The following UBXN11 variants were observed in gnomAD, a reference collection of about 807,000 sequenced individuals.
UBXN11 encodes the protein UBX domain protein 11.
Under a neutral mutation model 62.8 loss-of-function variants are expected in UBXN11, and 47 were observed. The observed-to-expected ratio is 0.75, with a 90% confidence interval of 0.59 to 0.95. The LOEUF is 0.95. Ranked by LOEUF, UBXN11 falls within the 40% of genes least tolerant of loss-of-function variation. UBXN11 has a pLI of 0.00. For missense variants in UBXN11, 638 were observed against 661.7 expected (o/e 0.96, Z 0.39); for synonymous variants, 294 against 267.0 (o/e 1.10, Z -0.99).
chr1:26,312,706 A>G (rs926654992), intron 1 of UBXN11, among the ~76,000 whole-genome samples: 1 of 150,378 alleles, frequency 6.6e-6, no homozygotes, highest in Non-Finnish European at 1.5e-5. Context: ...GGCTGGACAC[A>G]GTGGCTCACG....
In UBXN11 at chr1:26,290,440, A is replaced by G. The variant is rs987862588; in HGVS notation, c.559+3765T>C. On this transcript the variant is annotated intron_variant, in intron 8 of 14. Transcript: ENST00000374222. The stretch of plus-strand genomic sequence containing the variant: ...CCCTCCCCACAGAGCAGCACAGCCC[A>G]CACAGGGCAGTCAGAGTTTGCTGGC... Among the ~76,000 whole-genome samples, 7 of 152,260 alleles carry G rather than the reference A, an allele frequency of 4.6e-5. No individual in the cohort carries two copies. In the East Asian group the frequency reaches 1.4e-3, roughly 29 times the overall value.
intron 8 of UBXN11, among the ~76,000 whole-genome samples, chr1:26,288,023 C>G (rs575448342): frequency 6.6e-6 from 1 of 151,908 alleles, no homozygotes; most frequent in South Asian, 2.1e-4. Flanking sequence ...CCACCTCAGC[C>G]TCCCAAGTAG....
intron 8 of UBXN11, among the ~76,000 whole-genome samples, chr1:26,286,945 C>T (rs1366158836): frequency 6.6e-6 from 1 of 152,144 alleles, no homozygotes; most frequent in Non-Finnish European, 1.5e-5. Flanking sequence ...GTGATCCGCC[C>T]GCCTTGGCAT....
rs372720660 is a variant in UBXN11, at chr1:26,314,838, T to C, written c.-149+3209A>G. The stretch of plus-strand genomic sequence containing the variant: ...TCCTAGGGAAAGTGGAAAGTTTCCC[T>C]GGGGAAGGGGCTTCTAAGCTAAATC... On this transcript the variant is annotated intron_variant, in intron 1 of 14. Transcript: ENST00000374217. Among the ~76,000 whole-genome samples the C allele has an allele frequency of 6.4e-4, 97 of 152,308 alleles. 1 individual carries two copies. Among genetic ancestry groups the C allele is most frequent in the African/African-American group, 2.2e-3 (92 of 41,556 alleles).
chr1:26,301,051 G>T (rs575065109), intron 3 of UBXN11, 27 bp from the exon 4 acceptor site: 4 of 1,613,956 alleles, frequency 2.5e-6, no homozygotes, highest in Non-Finnish European at 3.4e-6. Flanking sequence ...CTAGGTCACC[G>T]CTCTGGGGCG....
intron 12 of UBXN11, 121 bp downstream of exon 12, chr1:26,284,021 T>C: frequency 9.8e-7 from 1 of 1,024,024 alleles, no homozygotes; most frequent in Non-Finnish European, 1.4e-6. Context: ...GCAACAGCTC[T>C]GAGGGACTCA....
chr1:26,317,970 G>A, intron 1 of UBXN11: 1 of 1,571,020 alleles, frequency 6.4e-7, no homozygotes. Context: ...ACAGCCCTGA[G>A]ATCACCTAAA....
At chr1:26,297,703 G>A (rs770800385) in intron 5 of UBXN11, among the ~76,000 whole-genome samples, 5 of 152,170 alleles carry the variant, frequency 3.3e-5, no homozygotes, top group Admixed American at 6.5e-5. Flanking sequence ...TGAGGGTGCC[G>A]CGCTCTGCTC....
intron 4 of UBXN11, among the ~76,000 whole-genome samples, 193 bp downstream of exon 4, chr1:26,300,733 G>C (rs149837238): frequency 6.6e-6 from 1 of 152,146 alleles, no homozygotes; most frequent in Non-Finnish European, 1.5e-5. Flanking sequence ...GCTGGGCCTC[G>C]GCCTCCTGAG....
intron 1 of UBXN11, among the ~76,000 whole-genome samples, chr1:26,312,750 G>A (rs929181567): frequency 6.7e-6 from 1 of 150,156 alleles, no homozygotes; most frequent in Non-Finnish European, 1.5e-5. Flanking sequence ...GGCCGAGGTG[G>A]GCAGATCACC....
chr1:26,300,961 C>A lies in UBXN11; in HGVS notation c.164G>T (p.Cys55Phe). The change falls in exon 4 of 15, where the codon TGC (cysteine) becomes TTC (phenylalanine). Residue 55 changes from cysteine (C) to phenylalanine (F), a missense_variant. Transcript: ENST00000374222. ...CACAGGGGCACCTATGCCGCCATAGCAGGAAGGGACTGAGATCTTTTCTTC... is the reference window on the plus strand; with the variant it reads ...CACAGGGGCACCTATGCCGCCATAGAAGGAAGGGACTGAGATCTTTTCTTC... ...GSEEKISVPS[C>F]YGGIGAPVSR... The A allele has an allele frequency of 1.9e-6, 3 of 1,614,228 alleles. No individual in the cohort carries two copies. The highest frequency in any genetic ancestry group is 2.5e-6 in the Non-Finnish European group (3 of 1,180,026).
In UBXN11 at chr1:26,295,939, G is replaced by A. The variant is rs562267679; in HGVS notation, c.432+980C>T. Among the ~76,000 whole-genome samples, 254 of 152,368 alleles carry A rather than the reference G, an allele frequency of 1.7e-3. 2 individuals carry two copies. The highest frequency in any genetic ancestry group is 5.9e-3 in the African/African-American group (246 of 41,598). On this transcript the variant is annotated intron_variant, in intron 7 of 14. Coordinates refer to ENST00000374222, the MANE Select transcript of UBXN11 (RefSeq NM_001389556.1). ...GCAAGGGCAGTCATGCCCCTGCCCC[G>A]AGGCTCTGGTGCAGCCCTCACCGCC...
intron 7 of UBXN11, 80 bp downstream of exon 7, chr1:26,296,839 G>T (rs1024524162): frequency 6.9e-7 from 1 of 1,457,892 alleles, no homozygotes; most frequent in Non-Finnish European, 9.3e-7. Flanking sequence ...AGGTGGGCTC[G>T]GACCCAGCTC....
chr1:26,284,571 A>G (rs1486270784), intron 10 of UBXN11, 89 bp from the exon 11 acceptor site: 1 of 1,491,922 alleles, frequency 6.7e-7, no homozygotes, highest in African/African-American at 1.4e-5. Flanking sequence ...AACACAGGCC[A>G]AGGGTATGGT....
chr1:26,284,388 G>A lies in UBXN11; in HGVS notation c.947C>T (p.Ala316Val), dbSNP rs1390072919. The change falls in exon 11 of 15, where the codon GCC (alanine) becomes GTC (valine). Residue 316 changes from alanine to valine, a missense_variant. Ala to Val is a moderately conservative substitution (Grantham distance 64). Transcript: ENST00000374222. Reference protein sequence around the residue: ...RVVGRQLMHKALDRVEEHPGS... With the variant: ...RVVGRQLMHKVLDRVEEHPGS... Reference sequence around the variant, plus strand: ...TGGGTGCTCCTCCACCCTGTCCAAGGCCTTGTGCATCAGCTGCCTGCCCAC... The same window carrying A: ...TGGGTGCTCCTCCACCCTGTCCAAGACCTTGTGCATCAGCTGCCTGCCCAC... The A allele has an allele frequency of 1.2e-6, 2 of 1,613,922 alleles. No homozygotes were observed. Among genetic ancestry groups the A allele is most frequent in the Admixed American group, 3.3e-5 (2 of 60,000 alleles).
At chr1:26,287,505 C>T (rs1420391074) in intron 8 of UBXN11, among the ~76,000 whole-genome samples, 3 of 151,620 alleles carry the variant, frequency 2.0e-5, no homozygotes, top group Non-Finnish European at 4.4e-5. Flanking sequence ...CCCTACAACA[C>T]ACCAATAACT....
intron 8 of UBXN11, among the ~76,000 whole-genome samples, chr1:26,290,466 G>A (rs781376744): frequency 4.6e-5 from 7 of 152,176 alleles, no homozygotes; most frequent in African/African-American, 1.2e-4. Flanking sequence ...GTTTGCTGGC[G>A]GAGGTTGGAT....
At chr1:26,303,363 C>T (rs1179037661) in intron 1 of UBXN11, among the ~76,000 whole-genome samples, 1 of 152,138 alleles carries the variant, frequency 6.6e-6, no homozygotes, top group African/African-American at 2.4e-5. Flanking sequence ...GGCCAACCCA[C>T]AGGCAGGATT....
intron 2 of UBXN11, 110 bp downstream of exon 2, chr1:26,302,703 G>T: frequency 2.5e-6 from 3 of 1,185,232 alleles, no homozygotes; most frequent in South Asian, 1.6e-5. Flanking sequence ...AGGCTATGTG[G>T]CCCTTCTTTG....
Sources: gnomAD v4.1 joint callset for allele counts (sites outside exome capture counted in the v4.1 genomes callset) on GRCh38, gnomAD v4.1.1 for gene constraint, MANE v1.5 for transcripts, NCBI Gene and HGNC (gene_info 2026-07-23, HGNC 2026-07-21) for gene names.